DCAF5: variants seen among roughly 807,000 people sequenced by gnomAD.
The protein encoded by DCAF5 is DDB1- and CUL4-associated factor 5.
DCAF5 carries 9 observed loss-of-function variants against 80.7 expected under a neutral mutation model. The observed-to-expected ratio is 0.11, with a 90% CI of 0.07 to 0.19. The LOEUF (loss-of-function observed/expected upper bound fraction) is 0.19. DCAF5 is among the 10% of genes least tolerant of loss of function. The pLI is 1.00. For missense variants in DCAF5, 842 were observed against 1,205.7 expected (o/e 0.70, Z 4.47); for synonymous variants, 433 against 461.9 (o/e 0.94, Z 0.80).
intron 1 of DCAF5, among the ~76,000 whole-genome samples, chr14:69,134,432 A>T (rs191750453): frequency 3.0e-4 from 45 of 152,374 alleles, no homozygotes; most frequent in African/African-American, 1.1e-3. Flanking sequence ...CTCCTTATAT[A>T]TAACAAAAAT....
At chr14:69,066,742 A>C (rs1368808258) in intron 7 of DCAF5, among the ~76,000 whole-genome samples, 2 of 152,160 alleles carry the variant, frequency 1.3e-5, no homozygotes, top group Non-Finnish European at 2.9e-5. Flanking sequence ...TGTATGTCCT[A>C]ATTTCCCTCC....
At chr14:69,146,211 A>C (rs1233020986) in intron 1 of DCAF5, among the ~76,000 whole-genome samples, 3 of 152,218 alleles carry the variant, frequency 2.0e-5, no homozygotes, top group African/African-American at 7.2e-5. Flanking sequence ...AAATCAAATT[A>C]AAAATGATCC....
chr14:69,116,542 C>T, intron 4 of DCAF5, 47 bp from the exon 5 acceptor site: 2 of 1,590,696 alleles, frequency 1.3e-6, no homozygotes, highest in Non-Finnish European at 1.7e-6. Context: ...TACCTGTGGG[C>T]CACTGGCAGG....
chr14:69,070,796 T>C (rs2038658096), intron 7 of DCAF5, among the ~76,000 whole-genome samples: 1 of 151,956 alleles, frequency 6.6e-6, no homozygotes, highest in African/African-American at 2.4e-5. Context: ...TTTTCTTTTT[T>C]TTTTTTTGTT....
In DCAF5 at chr14:69,152,455, T is replaced by G; in HGVS notation, c.214+310A>C. The G allele has an allele frequency of 3.5e-6, 1 of 286,640 alleles. No homozygotes were observed. Among genetic ancestry groups the G allele is most frequent in the Non-Finnish European group, 6.6e-6 (1 of 151,804 alleles). The allele number at this position is 286,640 out of a possible 1,614,324, so 17.8% of individuals were successfully genotyped here. The stretch of plus-strand genomic sequence containing the variant: ...AGGAAGAGTTTGCCGTCAAACTTTG[T>G]AGAGCGGTAACCTCGCCCCCCTCCC... On this transcript the variant is annotated intron_variant, in intron 1 of 8. Coordinates refer to ENST00000341516, the MANE Select transcript of DCAF5 (RefSeq NM_003861.3). The surrounding 1 kb of genome is among the most constrained non-coding windows in gnomAD (Gnocchi z 4.1).
At chr14:69,116,793 G>A (rs2040558035) in intron 4 of DCAF5, among the ~76,000 whole-genome samples, 1 of 152,086 alleles carries the variant, frequency 6.6e-6, no homozygotes, top group South Asian at 2.1e-4. Context: ...GGGAAAATAA[G>A]CCATTTTACA....
chr14:69,093,992 C>T (rs1223756900), intron 5 of DCAF5, among the ~76,000 whole-genome samples: 2 of 152,184 alleles, frequency 1.3e-5, no homozygotes, highest in Non-Finnish European at 2.9e-5. Flanking sequence ...TTACAGGGTG[C>T]TGTGGCTGCG....
At chr14:69,097,826 T>A (rs2039785387) in intron 5 of DCAF5, among the ~76,000 whole-genome samples, 2 of 151,908 alleles carry the variant, frequency 1.3e-5, no homozygotes, top group African/African-American at 2.4e-5. Context: ...TGACCTCAAG[T>A]GATCTCCCCG....
chr14:69,075,406 G>T lies in DCAF5; in HGVS notation c.885C>A (p.Ile295=). 6.3e-7 allele frequency: 1 copy of T among 1,589,866 alleles called. No homozygotes were observed. Among genetic ancestry groups the T allele is most frequent in the Non-Finnish European group, 8.6e-7 (1 of 1,164,404 alleles). Residue 295 remains isoleucine, a synonymous_variant, in exon 7 of 9, where the codon ATC becomes ATA. Transcript: ENST00000341516. ...CCFAGDRDQY[I]LSGSDDFNLY... ...GGTTGAAGTCATCAGAGCCCGAAAG[G>T]ATATACTGTTGGAACAAAAAATATA...
At chr14:69,056,437 C>A (rs1272978146) in intron 8 of DCAF5, among the ~76,000 whole-genome samples, 1 of 152,164 alleles carries the variant, frequency 6.6e-6, no homozygotes, top group Non-Finnish European at 1.5e-5. Context: ...CTCAGGTCTG[C>A]CTGACTTAAA....
intron 5 of DCAF5, among the ~76,000 whole-genome samples, chr14:69,101,504 C>A (rs1418806830): frequency 2.6e-5 from 4 of 152,100 alleles, no homozygotes; most frequent in African/African-American, 9.7e-5. Context: ...GGAGTAGTCA[C>A]AAAAGACTTC....
At chr14:69,068,614 C>G (rs1213447085) in intron 7 of DCAF5, among the ~76,000 whole-genome samples, 1 of 150,046 alleles carries the variant, frequency 6.7e-6, no homozygotes, top group Non-Finnish European at 1.5e-5. Flanking sequence ...AGGAAAATAG[C>G]TTGAACCTAG....
intron 5 of DCAF5, among the ~76,000 whole-genome samples, chr14:69,116,033 C>T (rs987665552): frequency 4.6e-5 from 7 of 152,030 alleles, no homozygotes; most frequent in Non-Finnish European, 7.4e-5. Context: ...ACCCACCCCA[C>T]ACCAAGAGCT....
At chr14:69,104,380 A>T (rs2040060458) in intron 5 of DCAF5, among the ~76,000 whole-genome samples, 1 of 152,156 alleles carries the variant, frequency 6.6e-6, no homozygotes, top group African/African-American at 2.4e-5. Flanking sequence ...TTTTGTACCC[A>T]TTTAAAAAAA....
intron 6 of DCAF5, among the ~76,000 whole-genome samples, chr14:69,087,471 A>C (rs2039378561): frequency 6.6e-6 from 1 of 152,196 alleles, no homozygotes. Context: ...GCTTTAAACA[A>C]AAAAAGTAAA....
intron 3 of DCAF5, 114 bp downstream of exon 3, chr14:69,119,079 TG>T: frequency 2.1e-6 from 2 of 949,478 alleles, no homozygotes; most frequent in Non-Finnish European, 3.1e-6. Flanking sequence ...AAAGAACAGC[TG>T]GTTTCATGTT....
At chr14:69,126,059 A>C (rs2040862944) in intron 1 of DCAF5, among the ~76,000 whole-genome samples, 1 of 152,146 alleles carries the variant, frequency 6.6e-6, no homozygotes, top group South Asian at 2.1e-4. Flanking sequence ...TAAAATATTT[A>C]GGTATAAATT....
chr14:69,088,577 TG>T (rs2039425439), intron 6 of DCAF5, among the ~76,000 whole-genome samples: 2 of 152,246 alleles, frequency 1.3e-5, no homozygotes, highest in Admixed American at 1.3e-4. Flanking sequence ...CTGTATGGAC[TG>T]AATAATCTCA....
chr14:69,151,087 A>C (rs1327388814), intron 1 of DCAF5, among the ~76,000 whole-genome samples: 1 of 152,242 alleles, frequency 6.6e-6, no homozygotes, highest in Non-Finnish European at 1.5e-5. Flanking sequence ...AAAAAACAAC[A>C]GCAGGGAAAC....
Sources: allele counts gnomAD v4.1 joint callset (sites outside exome capture counted in the v4.1 genomes callset), GRCh38; gene constraint gnomAD v4.1.1; non-coding constraint Gnocchi (gnomAD v3.1); transcripts MANE v1.5; gene names NCBI Gene and HGNC (gene_info 2026-07-23, HGNC 2026-07-21).